Variants in ADK observed in about 807,000 individuals in gnomAD.
The protein encoded by ADK is adenosine kinase, also known as N6,N6-dimethyladenosine kinase.
Under a neutral mutation model 44.7 loss-of-function variants are expected in ADK, and 24 were observed. The observed-to-expected ratio is 0.54, with a 90% CI of 0.39 to 0.76. The LOEUF (loss-of-function observed/expected upper bound fraction) is 0.76, where lower values mean the gene tolerates loss of function less well. Among genes scored for constraint, ADK ranks in the 30% least tolerant of loss-of-function variants. ADK has a pLI of 0.00. For synonymous variants in ADK, 128 were observed against 142.6 expected (o/e 0.90, Z 0.73); for missense variants, 321 against 425.1 (o/e 0.76, Z 2.15).
intron 3 of ADK, among the ~76,000 whole-genome samples, chr10:74,256,037 G>C (rs1342564708): frequency 2.0e-5 from 3 of 152,172 alleles, no homozygotes; most frequent in Non-Finnish European, 2.9e-5. Flanking sequence ...TGTAATCAGA[G>C]TCAAGAAAAG....
At chr10:74,213,409 T>A (rs1166008868) in intron 2 of ADK, among the ~76,000 whole-genome samples, 2 of 152,308 alleles carry the variant, frequency 1.3e-5, no homozygotes, top group South Asian at 2.1e-4. Context: ...ACTCTTTAAT[T>A]GTATTTAATT....
chr10:74,529,632 G>A (rs1375942624), intron 7 of ADK, among the ~76,000 whole-genome samples: 1 of 152,092 alleles, frequency 6.6e-6, no homozygotes, highest in African/African-American at 2.4e-5. Context: ...ACCTAGAAGA[G>A]GAAGTGGTAA....
At chr10:74,502,743 G>GT (rs1460843620) in intron 6 of ADK, among the ~76,000 whole-genome samples, 5 of 152,086 alleles carry the variant, frequency 3.3e-5, no homozygotes, top group Admixed American at 1.3e-4. Flanking sequence ...GGGAGTTAGA[G>GT]ATAGAAAGCA....
intron 7 of ADK, among the ~76,000 whole-genome samples, chr10:74,569,806 T>C (rs1013705025): frequency 6.6e-6 from 1 of 152,258 alleles, no homozygotes; most frequent in African/African-American, 2.4e-5. Context: ...TTTTGACTTT[T>C]GTTGCCATTG....
chr10:74,496,572 A>G (rs1847696141), intron 6 of ADK, among the ~76,000 whole-genome samples: 1 of 152,208 alleles, frequency 6.6e-6, no homozygotes, highest in South Asian at 2.1e-4. Context: ...TAAATTACCC[A>G]GTCTCAGGTA....
intron 4 of ADK, among the ~76,000 whole-genome samples, chr10:74,354,079 C>T (rs964280526): frequency 1.3e-5 from 2 of 152,104 alleles, no homozygotes; most frequent in African/African-American, 2.4e-5. Context: ...AATTGGTATA[C>T]GAATTATAAC....
chr10:74,467,021 A>G (rs1469326256), intron 6 of ADK, among the ~76,000 whole-genome samples: 1 of 152,166 alleles, frequency 6.6e-6, no homozygotes, highest in Non-Finnish European at 1.5e-5. Context: ...CTTAAATGAC[A>G]TATTTTAGAT....
At chr10:74,484,750 T>C (rs1847206132) in intron 6 of ADK, among the ~76,000 whole-genome samples, 1 of 152,194 alleles carries the variant, frequency 6.6e-6, no homozygotes, top group African/African-American at 2.4e-5. Context: ...ACCAGTGTAA[T>C]GGGACAGAGA....
At chr10:74,676,470 A>C (rs6480749) in intron 10 of ADK, among the ~76,000 whole-genome samples, 105,808 of 151,806 alleles carry the variant, frequency 0.7, 37,054 homozygotes, top group Middle Eastern at 0.79. Context: ...AACTGTGCTG[A>C]CTCATAATAC....
chr10:74,680,963 T>C (rs1855583026), intron 10 of ADK, among the ~76,000 whole-genome samples: 1 of 152,252 alleles, frequency 6.6e-6, no homozygotes, highest in South Asian at 2.1e-4. Flanking sequence ...TCAAATGCTC[T>C]TAAAATTTTA....
chr10:74,442,331 A>G (rs1210998611), intron 6 of ADK, among the ~76,000 whole-genome samples: 3 of 152,050 alleles, frequency 2.0e-5, no homozygotes, highest in Non-Finnish European at 4.4e-5. Context: ...TAATCCAACA[A>G]TCTCATTTTT....
At chr10:74,656,546 G>A (rs1349350388) in intron 9 of ADK, among the ~76,000 whole-genome samples, 3 of 152,108 alleles carry the variant, frequency 2.0e-5, no homozygotes, top group Non-Finnish European at 4.4e-5. Context: ...CCCAGAGGCA[G>A]TATAGGAGAG....
At chr10:74,456,115 T>C (rs1238711449) in intron 6 of ADK, among the ~76,000 whole-genome samples, 3 of 152,224 alleles carry the variant, frequency 2.0e-5, no homozygotes, top group Admixed American at 2.0e-4. Context: ...CCACTGTTAA[T>C]ATTAGACAGA....
At chr10:74,338,134 A>ACAG (rs1215456354) in intron 4 of ADK, among the ~76,000 whole-genome samples, 1 of 151,816 alleles carries the variant, frequency 6.6e-6, no homozygotes, top group Non-Finnish European at 1.5e-5. Flanking sequence ...AACAACAACA[A>ACAG]CAAAAACTTA....
At chr10:74,154,119 G>C (rs1841687849) in intron 1 of ADK, among the ~76,000 whole-genome samples, 1 of 152,082 alleles carries the variant, frequency 6.6e-6, no homozygotes. Context: ...AGTTTGTTTG[G>C]TGGCAGAACT....
rs146204516 is a variant in ADK, at chr10:74,655,024, C to T, written c.878-15159C>T. On this transcript the variant is annotated intron_variant, in intron 9 of 10. Coordinates refer to ENST00000539909, the MANE Select transcript of ADK (RefSeq NM_006721.4). The stretch of plus-strand genomic sequence containing the variant: ...GGCCCCGACCCCTCCTGACTGGGGC[C>T]CAGGAGCTCAGCAGGCAGCGACTGG... 6.7e-4 allele frequency: 139 copies of T among 206,154 alleles called. 2 individuals are homozygous for T. In the East Asian group the frequency reaches 0.022, roughly 32 times the overall value. The allele number at this position is 206,154 out of a possible 1,614,324, so 12.8% of individuals were successfully genotyped here.
At chr10:74,310,875 T>A (rs1028692429) in intron 3 of ADK, among the ~76,000 whole-genome samples, 2 of 152,130 alleles carry the variant, frequency 1.3e-5, no homozygotes, top group African/African-American at 2.4e-5. Context: ...CAAATTTCAA[T>A]TCAGATGTTA....
intron 6 of ADK, among the ~76,000 whole-genome samples, chr10:74,453,459 A>G (rs544130721): frequency 1.3e-5 from 2 of 152,218 alleles, no homozygotes; most frequent in South Asian, 4.2e-4. Flanking sequence ...GCTTGAGGCC[A>G]GGGGTCTCTT....
chr10:74,658,920 A>G (rs986232951), intron 9 of ADK, among the ~76,000 whole-genome samples: 1 of 152,060 alleles, frequency 6.6e-6, no homozygotes, highest in Non-Finnish European at 1.5e-5. Flanking sequence ...GCATATATAT[A>G]TGTGTATATA....
Sources: gnomAD v4.1 joint callset for allele counts (sites outside exome capture counted in the v4.1 genomes callset) on GRCh38, gnomAD v4.1.1 for gene constraint, MANE v1.5 for transcripts, NCBI Gene and HGNC (gene_info 2026-07-23, HGNC 2026-07-21) for gene names.